Variants in HS6ST3 observed in about 807,000 individuals in gnomAD.
The protein encoded by HS6ST3 is heparan-sulfate 6-O-sulfotransferase 3.
A neutral mutation model predicts 36.7 loss-of-function variants in HS6ST3; 12 were observed. The observed-to-expected ratio is 0.33, with a 90% CI of 0.21 to 0.53. The LOEUF is 0.53. HS6ST3 is among the 20% of genes least tolerant of loss of function. The pLI, the probability that HS6ST3 is intolerant of heterozygous loss-of-function variation, is 0.95. For synonymous variants in HS6ST3, 240 were observed against 257.5 expected, an observed-to-expected ratio of 0.93 and a Z score of 0.65; for missense variants, 584 against 640.9, an observed-to-expected ratio of 0.91 and a Z score of 0.96.
rs985875013 is a variant in HS6ST3, at chr13:96,243,395, A to C, written c.707+151826A>C. Among the ~76,000 whole-genome samples, 5 of 152,354 alleles carry C rather than the reference A, an allele frequency of 3.3e-5. No individual in the cohort carries two copies. In the East Asian group the frequency reaches 9.6e-4, roughly 29 times the overall value. On this transcript the variant is annotated intron_variant, in intron 1 of 1. Transcript: ENST00000376705. ...CTCCTTTGATACTCTTAAGGTATTC[A>C]GAGTAATGCCCAGCCTAGTAAGATA... is the stretch of plus-strand genomic sequence containing the variant.
intron 1 of HS6ST3, among the ~76,000 whole-genome samples, chr13:96,227,220 T>C (rs1243230126): frequency 6.6e-6 from 1 of 152,194 alleles, no homozygotes; most frequent in Non-Finnish European, 1.5e-5. Flanking sequence ...GGGATAAATA[T>C]TTACCCATTT....
At chr13:96,234,928 A>T (rs1303793427) in intron 1 of HS6ST3, among the ~76,000 whole-genome samples, 1 of 152,152 alleles carries the variant, frequency 6.6e-6, no homozygotes. Flanking sequence ...ATGTCAAATG[A>T]TTTGTTGTAG....
At chr13:96,445,027 A>C (rs904388968) in intron 1 of HS6ST3, among the ~76,000 whole-genome samples, 16 of 152,226 alleles carry the variant, frequency 1.1e-4, no homozygotes, top group African/African-American at 3.9e-4. Context: ...GGGGGTATCA[A>C]ATGTAGTGAA....
chr13:96,306,563 G>A (rs1925115), intron 1 of HS6ST3, among the ~76,000 whole-genome samples: 55,292 of 151,876 alleles, frequency 0.36, 10,404 homozygotes, highest in African/African-American at 0.44. Flanking sequence ...ATGAAGGTGC[G>A]TTAGATTCTG....
intron 1 of HS6ST3, among the ~76,000 whole-genome samples, chr13:96,764,079 A>T (rs996665388): frequency 6.6e-6 from 1 of 152,214 alleles, no homozygotes; most frequent in African/African-American, 2.4e-5. Flanking sequence ...TTTAACGTTT[A>T]CTCACATTCA....
At position 96,833,265 on chromosome 13, in the gene HS6ST3, C is replaced by G. The variant is rs1566464816; in HGVS notation, c.*67C>G. The G allele has an allele frequency of 1.5e-5, 19 of 1,274,788 alleles. No individual in the cohort carries two copies. Among genetic ancestry groups the G allele is most frequent in the South Asian group, 1.1e-4 (7 of 65,182 alleles). 79.0% of individuals were successfully genotyped at this position (1,274,788 alleles called of 1,614,324 possible). On this transcript the variant is annotated 3_prime_UTR_variant, in exon 2 of 2. Coordinates refer to ENST00000376705, the MANE Select transcript of HS6ST3 (RefSeq NM_153456.4). The stretch of plus-strand genomic sequence containing the variant: ...GCACATTGACTTTCTGTTGAGGTAC[C>G]TTGGAGAAGCTGAGCCATTCTGAGG...
intron 1 of HS6ST3, among the ~76,000 whole-genome samples, chr13:96,611,794 A>G (rs1199615083): frequency 6.6e-6 from 1 of 152,222 alleles, no homozygotes; most frequent in Non-Finnish European, 1.5e-5. Context: ...TGGCTCAGGC[A>G]GAGTGAGCAT....
At chr13:96,350,386 T>A (rs2055175772) in intron 1 of HS6ST3, among the ~76,000 whole-genome samples, 1 of 152,242 alleles carries the variant, frequency 6.6e-6, no homozygotes, top group Non-Finnish European at 1.5e-5. Flanking sequence ...TCTGCTAATG[T>A]TGCTCAAACC....
At chr13:96,190,559 C>T (rs970157639) in intron 1 of HS6ST3, among the ~76,000 whole-genome samples, 7 of 152,158 alleles carry the variant, frequency 4.6e-5, no homozygotes, top group African/African-American at 1.4e-4. Flanking sequence ...TTTACTGACT[C>T]CTTACCCTAT....
intron 1 of HS6ST3, among the ~76,000 whole-genome samples, chr13:96,481,962 C>T (rs766930915): frequency 6.6e-6 from 1 of 152,136 alleles, no homozygotes; most frequent in African/African-American, 2.4e-5. Flanking sequence ...CTGTCCTCTT[C>T]GCAACGTGCT....
intron 1 of HS6ST3, among the ~76,000 whole-genome samples, chr13:96,372,070 A>G (rs1299790423): frequency 1.3e-5 from 2 of 152,248 alleles, no homozygotes; most frequent in Admixed American, 6.5e-5. Context: ...ATTGTTTTAC[A>G]TAATGGCTAT....
At chr13:96,396,313 TG>T (rs1465855565) in intron 1 of HS6ST3, among the ~76,000 whole-genome samples, 166 of 47,304 alleles carry the variant, frequency 3.5e-3, no homozygotes, top group Admixed American at 5.5e-3. Context: ...GACTCTGTTT[TG>T]TTTGTTTGTT....
intron 1 of HS6ST3, among the ~76,000 whole-genome samples, chr13:96,618,154 C>A (rs1346182171): frequency 6.6e-6 from 1 of 152,176 alleles, no homozygotes; most frequent in African/African-American, 2.4e-5. Context: ...GGCTGGAGTG[C>A]AGTGGTGCAA....
intron 1 of HS6ST3, among the ~76,000 whole-genome samples, chr13:96,430,020 G>A (rs1453360560): frequency 7.2e-5 from 11 of 152,180 alleles, no homozygotes; most frequent in East Asian, 1.9e-4. Context: ...CTAAATTGAC[G>A]CTGATCACTA....
intron 1 of HS6ST3, among the ~76,000 whole-genome samples, chr13:96,165,870 A>G (rs1196797436): frequency 2.0e-5 from 3 of 152,074 alleles, no homozygotes; most frequent in Non-Finnish European, 4.4e-5. Context: ...ATGGCAGGGT[A>G]CGGTGTTTTG....
At chr13:96,396,271 A>G (rs927260063) in intron 1 of HS6ST3, among the ~76,000 whole-genome samples, 7 of 152,096 alleles carry the variant, frequency 4.6e-5, no homozygotes, top group Non-Finnish European at 7.4e-5. Flanking sequence ...CCGAGATCAC[A>G]CCACTACACT....
chr13:96,197,831 G>A (rs1455954799), intron 1 of HS6ST3, among the ~76,000 whole-genome samples: 2 of 152,104 alleles, frequency 1.3e-5, no homozygotes, highest in Non-Finnish European at 2.9e-5. Context: ...TTTTCCAGGT[G>A]CGTGGTGGAT....
At chr13:96,091,682 C>G in intron 1 of HS6ST3, 113 bp downstream of exon 1, 1 of 1,397,232 alleles carries the variant, frequency 7.2e-7, no homozygotes, top group African/African-American at 1.4e-5. Context: ...TTCCTGGCGT[C>G]TTCAGCGGTT....
chr13:96,568,209 G>C (rs927566289), intron 1 of HS6ST3, among the ~76,000 whole-genome samples: 4 of 152,150 alleles, frequency 2.6e-5, no homozygotes, highest in African/African-American at 9.7e-5. Context: ...TAGTGACATG[G>C]TTAGATATTC....
Sources: gnomAD v4.1 joint callset for allele counts (sites outside exome capture counted in the v4.1 genomes callset) on GRCh38, gnomAD v4.1.1 for gene constraint, MANE v1.5 for transcripts, NCBI Gene and HGNC (gene_info 2026-07-23, HGNC 2026-07-21) for gene names.